Variants in LRP2 observed in about 807,000 individuals in gnomAD.
LRP2 encodes LDL receptor related protein 2, also known as low-density lipoprotein receptor-related protein 2.
LRP2 carries 172 observed loss-of-function variants against 531.0 expected under a neutral mutation model. That is an observed-to-expected ratio of 0.32 (90% CI 0.29 to 0.37). The LOEUF (loss-of-function observed/expected upper bound fraction) is 0.37, where lower values mean the gene tolerates loss of function less well. Among genes scored for constraint, LRP2 ranks in the 10% least tolerant of loss-of-function variants. LRP2 has a pLI of 1.00. For missense variants in LRP2, 5,167 were observed against 5,868.3 expected (o/e 0.88, Z 3.90); for synonymous variants, 1,992 against 2,027.6 (o/e 0.98, Z 0.47).
chr2:169,289,375 C>T (rs146528992), intron 8 of LRP2, among the ~76,000 whole-genome samples: 2 of 152,090 alleles, frequency 1.3e-5, no homozygotes, highest in Admixed American at 6.5e-5. Context: ...TGTAGCTACA[C>T]CTCATATTCA....
chr2:169,184,636 G>C (rs751944570), intron 50 of LRP2, among the ~76,000 whole-genome samples: 18 of 152,146 alleles, frequency 1.2e-4, no homozygotes, highest in Non-Finnish European at 1.8e-4. Flanking sequence ...AATATCACTG[G>C]CCTGCCTTAA....
At position 169,248,759 on chromosome 2, in the gene LRP2, C is replaced by T. The variant is rs1397928518; in HGVS notation, c.2771-1244G>A. Among the ~76,000 whole-genome samples, 7 of 133,154 alleles carry T rather than the reference C, an allele frequency of 5.3e-5. 2 individuals are homozygous for T. Among genetic ancestry groups the T allele is most frequent in the Admixed American group, 7.6e-5 (1 of 13,132 alleles). The allele number at this position is 133,154 out of a possible 152,430, so 87.4% of individuals were successfully genotyped here. On this transcript the variant is annotated intron_variant, in intron 19 of 78. Coordinates refer to ENST00000649046, the MANE Select transcript of LRP2 (RefSeq NM_004525.3). ...TCACTAGGGAGTGCCAGACAGTGGGCGCAGGCCAGTGTGTGTGCGCACCGT... is the reference window on the plus strand; with the variant it reads ...TCACTAGGGAGTGCCAGACAGTGGGTGCAGGCCAGTGTGTGTGCGCACCGT...
chr2:169,351,236 T>A (rs76322992), intron 1 of LRP2, among the ~76,000 whole-genome samples: 3,752 of 152,182 alleles, frequency 0.025, 52 homozygotes, highest in Middle Eastern at 0.034. Context: ...ACCAAAAAAA[T>A]ATCTATCAAG....
Position 169,166,044 on chromosome 2 carries a change from G to A in LRP2, c.11646C>T (p.Pro3882=). The stretch of plus-strand genomic sequence containing the variant: ...ACCGGAAACGGTTTGGTGAATTACA[G>A]GGAACATCCACTGAAAGGAAAGATA... ...DEELHLCLDV[P]CNSPNRFRCD... The change falls in exon 62 of 79, where the codon CCC becomes CCT. Residue 3882 remains proline, a synonymous_variant. Transcript: ENST00000649046. 1 of 1,613,994 alleles carries A rather than the reference G, an allele frequency of 6.2e-7. No homozygotes were observed. Among genetic ancestry groups the A allele is most frequent in the Non-Finnish European group, 8.5e-7 (1 of 1,179,918 alleles).
chr2:169,168,018 AAT>A (rs4001548), intron 61 of LRP2, among the ~76,000 whole-genome samples: 19,685 of 68,130 alleles, frequency 0.29, 3,414 homozygotes, highest in East Asian at 0.44. Flanking sequence ...CAGGGTTTAA[AAT>A]ATATATATAT....
intron 4 of LRP2, among the ~76,000 whole-genome samples, chr2:169,300,062 T>C (rs760218140): frequency 6.6e-6 from 1 of 152,106 alleles, no homozygotes; most frequent in Non-Finnish European, 1.5e-5. Flanking sequence ...AAGAATTAAA[T>C]TAAAAGGTAA....
chr2:169,266,883 C>CTT (rs56044761), intron 16 of LRP2, among the ~76,000 whole-genome samples: 1 of 96,258 alleles, frequency 1.0e-5, no homozygotes, highest in African/African-American at 3.8e-5. Context: ...CGTTTGTAAC[C>CTT]TTTTTTTTTT....
At chr2:169,189,423 A>G (rs1225477274) in intron 48 of LRP2, among the ~76,000 whole-genome samples, 4 of 152,316 alleles carry the variant, frequency 2.6e-5, no homozygotes, top group Middle Eastern at 3.4e-3. Flanking sequence ...CCCGGGAGCT[A>G]TTTAACTCAT....
intron 45 of LRP2, 44 bp downstream of exon 45, chr2:169,198,742 G>A (rs1290697071): frequency 6.2e-7 from 1 of 1,606,920 alleles, no homozygotes; most frequent in South Asian, 1.1e-5. Context: ...CTCACAACAT[G>A]CATCTCTGGA....
chr2:169,177,611 G>A (rs1395651174), intron 53 of LRP2, among the ~76,000 whole-genome samples, 192 bp downstream of exon 53: 1 of 152,130 alleles, frequency 6.6e-6, no homozygotes, highest in African/African-American at 2.4e-5. Context: ...AGAGTTCTAG[G>A]TAGTCTTTCC....
rs1481770134 is a variant in LRP2 at position 169,169,693 on chromosome 2, G to C, written c.11497+9C>G. 5 of 1,608,838 alleles carry C rather than the reference G, an allele frequency of 3.1e-6. No homozygotes were observed. Among genetic ancestry groups the C allele is most frequent in the Non-Finnish European group, 4.3e-6 (5 of 1,175,196 alleles). On this transcript the variant is annotated intron_variant, in intron 60 of 78. Coordinates refer to ENST00000649046, the MANE Select transcript of LRP2 (RefSeq NM_004525.3). ...GTAAGCAGTACTACATATGTGTCTAGGGACTTACGACAATCAGCTTCATCA... is the reference window on the plus strand; with the variant it reads ...GTAAGCAGTACTACATATGTGTCTACGGACTTACGACAATCAGCTTCATCA...
chr2:169,216,543 A>G (rs1688802198), intron 34 of LRP2, 113 bp from the exon 35 acceptor site: 5 of 1,012,556 alleles, frequency 4.9e-6, no homozygotes, highest in Non-Finnish European at 7.6e-6. Context: ...ACAATGGGCA[A>G]AGGCTGAAAA....
intron 21 of LRP2, among the ~76,000 whole-genome samples, chr2:169,245,325 T>G (rs1306643313): frequency 6.6e-6 from 1 of 152,166 alleles, no homozygotes; most frequent in Non-Finnish European, 1.5e-5. Context: ...AGCTGTTACT[T>G]CCTCCAACCA....
chr2:169,136,995 C>T (rs1685538841), intron 76 of LRP2, among the ~76,000 whole-genome samples: 1 of 152,226 alleles, frequency 6.6e-6, no homozygotes, highest in African/African-American at 2.4e-5. Context: ...GGCCCCGTCC[C>T]CAAATTCCTG....
intron 33 of LRP2, among the ~76,000 whole-genome samples, chr2:169,223,341 T>C (rs1293583160): frequency 1.3e-5 from 2 of 152,200 alleles, no homozygotes; most frequent in Non-Finnish European, 2.9e-5. Flanking sequence ...AAAGACACGT[T>C]CCCTGCTTTT....
chr2:169,275,168 A>T lies in LRP2; in HGVS notation c.1843T>A (p.Phe615Ile). 1 of 1,613,884 alleles carries T rather than the reference A, an allele frequency of 6.2e-7. No individual in the cohort carries two copies. Among genetic ancestry groups the T allele is most frequent in the Non-Finnish European group, 8.5e-7 (1 of 1,179,876 alleles). Reference sequence around the variant, plus strand: ...GCCATCTTTGTCCAATCTGTAAAGAACACCTGACCTTCAAATAAGCTTACT... The same window carrying T: ...GCCATCTTTGTCCAATCTGTAAAGATCACCTGACCTTCAAATAAGCTTACT... ...FGVSLFEGQVFFTDWTKMAVL... is the reference protein window; with the variant it reads ...FGVSLFEGQVIFTDWTKMAVL... The change falls in exon 14 of 79, where the codon TTC becomes ATC. Residue 615 changes from phenylalanine to isoleucine, a missense_variant. Physicochemically the swap from Phe to Ile is conservative, Grantham distance 21 (BLOSUM62 0). Coordinates refer to ENST00000649046, the MANE Select transcript of LRP2 (RefSeq NM_004525.3).
chr2:169,239,711 C>A lies in LRP2; in HGVS notation c.4110G>T (p.Gly1370=). 1.2e-6 allele frequency: 2 copies of A among 1,614,046 alleles called. No homozygotes were observed. The highest frequency in any genetic ancestry group is 1.7e-6 in the Non-Finnish European group (2 of 1,179,932). ...ATCCCAATGGACATAGGCATTTAGC[C>A]CCAAAGGGCTCTTGAACACACTCGT... The part of the protein sequence containing the change: ...CTHECVQEPF[G]AKCLCPLGFL... Residue 1370 remains glycine (G), a synonymous_variant, in exon 26 of 79, where the codon GGG becomes GGT. Transcript: ENST00000649046.
intron 3 of LRP2, among the ~76,000 whole-genome samples, chr2:169,314,408 G>A (rs954899764): frequency 1.4e-5 from 2 of 144,728 alleles, no homozygotes; most frequent in Non-Finnish European, 3.0e-5. Context: ...GGGCAGCAAA[G>A]CAAGACCCCT....
chr2:169,359,387 T>C (rs1686083421), intron 1 of LRP2, among the ~76,000 whole-genome samples: 2 of 152,184 alleles, frequency 1.3e-5, no homozygotes, highest in Admixed American at 6.5e-5. Flanking sequence ...ATGCAAATAA[T>C]TTTTAACAAC....
Sources: allele counts gnomAD v4.1 joint callset (sites outside exome capture counted in the v4.1 genomes callset), GRCh38; gene constraint gnomAD v4.1.1; transcripts MANE v1.5; gene names NCBI Gene and HGNC (gene_info 2026-07-23, HGNC 2026-07-21).